Variants in ERMARD observed in about 807,000 individuals in gnomAD.
ERMARD encodes the protein ER membrane associated RNA degradation.
ERMARD carries 71 observed loss-of-function variants against 83.9 expected under a neutral mutation model. The observed-to-expected ratio is 0.85, with a 90% CI of 0.70 to 1.03. ERMARD has a LOEUF of 1.03. ERMARD is among the 50% of genes least tolerant of loss of function. ERMARD has a pLI of 0.00. For missense variants in ERMARD, 838 were observed against 810.9 expected (o/e 1.03, Z -0.41); for synonymous variants, 284 against 298.6 (o/e 0.95, Z 0.50).
intron 2 of ERMARD, 128 bp downstream of exon 2, chr6:169,754,160 A>G: frequency 2.5e-6 from 2 of 802,250 alleles, no homozygotes; most frequent in Non-Finnish European, 3.7e-6. Context: ...CCTAACTCCA[A>G]GGAGAACAGG....
intron 17 of ERMARD, among the ~76,000 whole-genome samples, chr6:169,779,745 C>G (rs1256857016): frequency 6.6e-6 from 1 of 152,208 alleles, no homozygotes; most frequent in African/African-American, 2.4e-5. Flanking sequence ...GCTGGGATTA[C>G]AGGTGTAAAA....
intron 8 of ERMARD, among the ~76,000 whole-genome samples, chr6:169,761,467 G>A (rs1791541404): frequency 6.6e-6 from 1 of 152,118 alleles, no homozygotes; most frequent in Admixed American, 6.6e-5. Context: ...TCGTCCTCCT[G>A]ACTCAGCCTC....
chr6:169,756,641 C>A, intron 4 of ERMARD, 78 bp from the exon 5 acceptor site: 2 of 1,273,148 alleles, frequency 1.6e-6, no homozygotes, highest in Non-Finnish European at 2.3e-6. Flanking sequence ...TTTGTACAAA[C>A]AGTTGCTTCA....
At chr6:169,777,636 A>G (rs1793748007) in intron 16 of ERMARD, among the ~76,000 whole-genome samples, 1 of 152,232 alleles carries the variant, frequency 6.6e-6, no homozygotes, top group South Asian at 2.1e-4. Flanking sequence ...TATGAACTCT[A>G]TGGACATTTA....
Position 169,766,665 on chromosome 6 carries a change from CAAGT to C in ERMARD, c.990+9_990+12del. 8 of 1,572,702 alleles carry C rather than the reference CAAGT, an allele frequency of 5.1e-6. No homozygotes were observed. Among genetic ancestry groups the C allele is most frequent in the East Asian group, 4.6e-5 (2 of 43,666 alleles). ...AACAGCTCTTTATACCACCTTTGAT[CAAGT>C]AAGTAAGTAAACTTGTAAGGTAACT... On this transcript the variant is annotated splice_donor_variant and coding_sequence_variant, in exon 10 of 18. Coordinates refer to ENST00000366773, the MANE Select transcript of ERMARD (RefSeq NM_018341.3). LOFTEE classifies it high-confidence loss of function.
intron 14 of ERMARD, 138 bp from the exon 15 acceptor site, chr6:169,775,802 C>T: frequency 8.6e-7 from 1 of 1,162,794 alleles, no homozygotes; most frequent in Non-Finnish European, 1.2e-6. Flanking sequence ...GTCATGGTGG[C>T]TTTTTCCATT....
chr6:169,776,999 G>C (rs1455321724), intron 16 of ERMARD, among the ~76,000 whole-genome samples: 1 of 152,236 alleles, frequency 6.6e-6, no homozygotes, highest in Non-Finnish European at 1.5e-5. Flanking sequence ...GCAGGTGTAA[G>C]GTGTACATTG....
At chr6:169,756,912 C>T (rs991854301) in intron 5 of ERMARD, 104 bp downstream of exon 5, 31 of 1,038,390 alleles carry the variant, frequency 3.0e-5, no homozygotes, top group Non-Finnish European at 3.9e-5. Context: ...ATTGGACTTA[C>T]GGTTTCACAT....
At chr6:169,751,381 C>A (rs774378345), upstream of ERMARD, 8 of 1,614,146 alleles carry the variant, frequency 5.0e-6, no homozygotes, top group South Asian at 8.8e-5. Context: ...CTTTCCTAGG[C>A]GTCACCGGAG....
At chr6:169,781,302 G>A (rs1213561714) in intron 17 of ERMARD, 28 bp from the exon 18 acceptor site, 1 of 1,562,880 alleles carries the variant, frequency 6.4e-7, no homozygotes, top group African/African-American at 1.4e-5. Flanking sequence ...TAATGGAATG[G>A]ATAAAGAAAT....
intron 8 of ERMARD, among the ~76,000 whole-genome samples, chr6:169,761,935 A>C (rs1012193323): frequency 6.6e-6 from 1 of 152,186 alleles, no homozygotes; most frequent in Non-Finnish European, 1.5e-5. Flanking sequence ...TGCCCGCCTC[A>C]GCCTCCCAAA....
rs763907040 is a variant in ERMARD, at chr6:169,775,326, A to G, written c.1374A>G (p.Glu458=). Residue 458 remains glutamate (E), a synonymous_variant, in exon 14 of 18, where the codon GAA becomes GAG. Coordinates refer to ENST00000366773, the MANE Select transcript of ERMARD (RefSeq NM_018341.3). ...RVWALLPFPE[E]LTRQAVRLED... ...GGGCTCTGCTGCCTTTCCCCGAAGA[A>G]CTCACTCGGCAAGCCGTCAGGTGCG... is the stretch of plus-strand genomic sequence containing the variant. 6.2e-7 allele frequency: 1 copy of G among 1,613,140 alleles called. No homozygotes were observed. The highest frequency in any genetic ancestry group is 8.5e-7 in the Non-Finnish European group (1 of 1,179,150).
intron 3 of ERMARD, 120 bp downstream of exon 3, chr6:169,755,542 TG>T: frequency 1.5e-6 from 2 of 1,318,450 alleles, no homozygotes; most frequent in Non-Finnish European, 2.1e-6. Flanking sequence ...GGTGAAGTGT[TG>T]AGGGTTGTAA....
intron 11 of ERMARD, among the ~76,000 whole-genome samples, chr6:169,768,638 C>T (rs1408432268): frequency 6.6e-6 from 1 of 152,126 alleles, no homozygotes; most frequent in Non-Finnish European, 1.5e-5. Flanking sequence ...CACCCACCTA[C>T]TCCTGAGTCC....
chr6:169,777,668 G>T (rs1026260276), intron 16 of ERMARD, among the ~76,000 whole-genome samples: 1 of 152,138 alleles, frequency 6.6e-6, no homozygotes, highest in Admixed American at 6.5e-5. Context: ...TTAAAAACAA[G>T]TGAGATAACC....
intron 13 of ERMARD, 107 bp downstream of exon 13, chr6:169,773,509 G>A: frequency 1.8e-6 from 2 of 1,107,308 alleles, no homozygotes; most frequent in South Asian, 2.7e-5. Flanking sequence ...CAGACTTTGA[G>A]TTGGGCAGAT....
At chr6:169,766,422 G>T (rs559690898) in intron 9 of ERMARD, among the ~76,000 whole-genome samples, 4 of 152,144 alleles carry the variant, frequency 2.6e-5, no homozygotes, top group Non-Finnish European at 5.9e-5. Context: ...GTCCTAATGC[G>T]GCTTCATGGC....
At position 169,781,328 on chromosome 6, in the gene ERMARD, A is replaced by G; in HGVS notation, c.1854-2A>G. 1.9e-6 allele frequency: 3 copies of G among 1,581,394 alleles called. No homozygotes were observed. The highest frequency in any genetic ancestry group is 2.6e-6 in the Non-Finnish European group (3 of 1,171,098). On this transcript the variant is annotated splice_acceptor_variant, in intron 17 of 17. Transcript: ENST00000366773. LOFTEE classifies it high-confidence loss of function. ...ATAAAGAAATTAATTTTTTTTTTAC[A>G]GGTTTGTAAAGTCGATCTTGCAGTA...
chr6:169,762,380 T>C, intron 8 of ERMARD, 49 bp from the exon 9 acceptor site: 3 of 1,553,398 alleles, frequency 1.9e-6, no homozygotes, highest in Non-Finnish European at 2.7e-6. Flanking sequence ...TGGCCTAATA[T>C]TTATTTTTGA....
Sources: gnomAD v4.1 joint callset for allele counts (sites outside exome capture counted in the v4.1 genomes callset) on GRCh38, gnomAD v4.1.1 for gene constraint, MANE v1.5 for transcripts, NCBI Gene and HGNC (gene_info 2026-07-23, HGNC 2026-07-21) for gene names.